Variants in TRERF1 observed in about 807,000 individuals in gnomAD.
TRERF1 encodes the protein transcriptional regulating factor 1.
In TRERF1, 27 loss-of-function variants were observed where a neutral mutation model predicts 122.9. The observed-to-expected ratio is 0.22, with a 90% CI of 0.16 to 0.30. The LOEUF is 0.30. Ranked by LOEUF, TRERF1 falls within the 10% of genes least tolerant of loss-of-function variation. TRERF1 has a pLI of 1.00. For missense variants in TRERF1, 1,248 were observed against 1,560.3 expected, an observed-to-expected ratio of 0.80 and a Z score of 3.37; for synonymous variants, 636 against 641.7, an observed-to-expected ratio of 0.99 and a Z score of 0.13.
At chr6:42,426,286 C>A (rs1783626086) in intron 2 of TRERF1, among the ~76,000 whole-genome samples, 1 of 152,104 alleles carries the variant, frequency 6.6e-6, no homozygotes, top group South Asian at 2.1e-4. Flanking sequence ...ATTATATAAT[C>A]CAGACCAACA....
At chr6:42,389,997 G>T (rs902278721) in intron 2 of TRERF1, among the ~76,000 whole-genome samples, 2 of 151,982 alleles carry the variant, frequency 1.3e-5, no homozygotes, top group Admixed American at 6.6e-5. Context: ...GCTTGACGGG[G>T]TTTTGTTAAA....
intron 3 of TRERF1, among the ~76,000 whole-genome samples, chr6:42,334,563 G>A (rs1373987338): frequency 6.6e-6 from 1 of 152,148 alleles, no homozygotes; most frequent in African/African-American, 2.4e-5. Flanking sequence ...CTCTATCTAG[G>A]CCTGTCCCTT....
In TRERF1 at chr6:42,243,199, G is replaced by C. The variant is rs781309725; in HGVS notation, c.2859+49C>G. ...ACCAGCTACTTACTAACCTGGGCCT[G>C]GGGTGGGAGCTGTCCCAGCACAAGC... On this transcript the variant is annotated intron_variant, in intron 15 of 17. Transcript: ENST00000372922. The C allele has an allele frequency of 9.4e-5, 138 of 1,461,292 alleles. No individual in the cohort carries two copies. The East Asian group carries it at 2.4e-3, about 25-fold the overall frequency. The allele number at this position is 1,461,292 out of a possible 1,614,324, so 90.5% of individuals were successfully genotyped here.
intron 4 of TRERF1, among the ~76,000 whole-genome samples, chr6:42,294,812 T>C (rs9471835): frequency 0.41 from 63,011 of 152,044 alleles, 13,682 homozygotes; most frequent in African/African-American, 0.54. Flanking sequence ...CAGAGCTAGC[T>C]GACAAACAGA....
intron 3 of TRERF1, among the ~76,000 whole-genome samples, chr6:42,319,332 T>C (rs998004912): frequency 7.9e-5 from 12 of 152,222 alleles, no homozygotes; most frequent in Admixed American, 4.6e-4. Flanking sequence ...CTCCAGAGTA[T>C]AGCAGAGTGA....
Position 42,368,281 on chromosome 6 carries a change from A to C in TRERF1, c.-453-5202T>G, listed in dbSNP as rs1161573088. ...CACTTGTCTCTGAGTCACCCTCAGC[A>C]AGGACAGGTCCCTCTACCCCTCCTG... On this transcript the variant is annotated intron_variant, in intron 2 of 17. Transcript: ENST00000372922. Among the ~76,000 whole-genome samples, 14 of 152,054 alleles carry C rather than the reference A, an allele frequency of 9.2e-5. 1 individual carries two copies.
chr6:42,337,506 G>A (rs1766420880), intron 3 of TRERF1, among the ~76,000 whole-genome samples: 1 of 152,110 alleles, frequency 6.6e-6, no homozygotes, highest in Non-Finnish European at 1.5e-5. Flanking sequence ...CATCCTCAAG[G>A]CCCACCAAGT....
At chr6:42,287,680 C>A (rs951634505) in intron 4 of TRERF1, among the ~76,000 whole-genome samples, 1 of 152,192 alleles carries the variant, frequency 6.6e-6, no homozygotes, top group African/African-American at 2.4e-5. Flanking sequence ...CAGGGGCCCA[C>A]CACCTCCCCA....
chr6:42,328,137 A>G (rs1764627934), intron 3 of TRERF1, among the ~76,000 whole-genome samples: 1 of 150,408 alleles, frequency 6.6e-6, no homozygotes. Flanking sequence ...CCTCCTGAGT[A>G]GCTGGGACTA....
At chr6:42,301,159 T>C (rs1004484326) in intron 3 of TRERF1, among the ~76,000 whole-genome samples, 2 of 152,232 alleles carry the variant, frequency 1.3e-5, no homozygotes, top group Non-Finnish European at 2.9e-5. Context: ...CTACAGCAGC[T>C]TACAGGTGCC....
At chr6:42,246,497 G>A (rs771519986) in exon 14 of TRERF1, 1 of 1,601,568 alleles carries the variant, frequency 6.2e-7, no homozygotes, top group South Asian at 1.1e-5. Context: ...TAAGTGGCTA[G>A]TGCTTTGTTA....
In TRERF1 at chr6:42,232,995, A is replaced by G; in HGVS notation, c.3067-103T>C. 6.9e-7 allele frequency: 1 copy of G among 1,444,698 alleles called. No individual in the cohort carries two copies. Among genetic ancestry groups the G allele is most frequent in the Non-Finnish European group, 9.1e-7 (1 of 1,093,892 alleles). The allele number at this position is 1,444,698 out of a possible 1,614,324, so 89.5% of individuals were successfully genotyped here. A position where few individuals can be genotyped will look rare whatever the true frequency, so the allele number is the denominator to read the frequency against. On this transcript the variant is annotated intron_variant, in intron 16 of 17. Coordinates refer to ENST00000372922, the Ensembl canonical transcript of TRERF1. The surrounding 1 kb of genome is among the most constrained non-coding windows in gnomAD (Gnocchi z 4.5). ...ATGGAATACTTGAAACTGTCTAATG[A>G]CAGGGCACAAGGGTTTTATATAAGC... is the stretch of plus-strand genomic sequence containing the variant.
chr6:42,278,181 T>C (rs1688832863), intron 4 of TRERF1, among the ~76,000 whole-genome samples: 1 of 152,172 alleles, frequency 6.6e-6, no homozygotes, highest in Non-Finnish European at 1.5e-5. Flanking sequence ...AAATTCAGGG[T>C]TCTGGATCCA....
intron 3 of TRERF1, among the ~76,000 whole-genome samples, chr6:42,359,327 C>T (rs988823652): frequency 3.9e-5 from 6 of 152,144 alleles, no homozygotes; most frequent in East Asian, 1.9e-4. Context: ...CCCAGTGATC[C>T]GAAAATCCAT....
chr6:42,268,694 C>T lies in TRERF1; in HGVS notation c.897G>A (p.Gln299=), dbSNP rs1463640368. ...GCTGCTGCTGTGGCGGCGGCTGTGGCTGTGATGGGCGAATTTGTTGCGGCT... is the reference window on the plus strand; with the variant it reads ...GCTGCTGCTGTGGCGGCGGCTGTGGTTGTGATGGGCGAATTTGTTGCGGCT... Residue 299 remains glutamine, a synonymous_variant, in exon 5 of 18, where the codon CAG becomes CAA. Coordinates refer to ENST00000372922, the Ensembl canonical transcript of TRERF1. The surrounding 1 kb of genome is among the most constrained non-coding windows in gnomAD (Gnocchi z 4.4). 1 of 1,614,070 alleles carries T rather than the reference C, an allele frequency of 6.2e-7. No individual in the cohort carries two copies. The highest frequency in any genetic ancestry group is 2.2e-5 in the East Asian group (1 of 44,900).
At chr6:42,234,771 AAT>A (rs1771710086) in intron 16 of TRERF1, among the ~76,000 whole-genome samples, 1 of 152,246 alleles carries the variant, frequency 6.6e-6, no homozygotes, top group African/African-American at 2.4e-5. Context: ...GTCATTAAAA[AAT>A]ATCTTTTCCC....
intron 4 of TRERF1, among the ~76,000 whole-genome samples, chr6:42,292,042 T>G (rs1356381321): frequency 6.6e-6 from 1 of 152,220 alleles, no homozygotes; most frequent in Non-Finnish European, 1.5e-5. Context: ...GCCTCAATTT[T>G]GACATCTGTA....
Position 42,334,031 on chromosome 6 carries a change from G to A in TRERF1, c.-371+28966C>T, listed in dbSNP as rs1765709668. Among the ~76,000 whole-genome samples, 6 of 148,626 alleles carry A rather than the reference G, an allele frequency of 4.0e-5. No individual in the cohort carries two copies. In the South Asian group the frequency reaches 1.3e-3, roughly 32 times the overall value. ...CACACACACACACACACACACGTAT[G>A]TACACATATATGTATATGTATATGT... On this transcript the variant is annotated intron_variant, in intron 3 of 17. Transcript: ENST00000372922.
At chr6:42,355,314 T>A (rs575490102) in intron 3 of TRERF1, among the ~76,000 whole-genome samples, 1 of 152,228 alleles carries the variant, frequency 6.6e-6, no homozygotes, top group Non-Finnish European at 1.5e-5. Context: ...ATGAGGTTAT[T>A]ACATATCTTT....
Sources: allele counts gnomAD v4.1 joint callset (sites outside exome capture counted in the v4.1 genomes callset), GRCh38; gene constraint gnomAD v4.1.1; non-coding constraint Gnocchi (gnomAD v3.1); transcripts MANE v1.5; gene names NCBI Gene and HGNC (gene_info 2026-07-23, HGNC 2026-07-21).